Variants in RIMS2 observed in about 807,000 individuals in gnomAD.
The protein encoded by RIMS2 is regulating synaptic membrane exocytosis protein 2.
RIMS2 carries 59 observed loss-of-function variants against 174.4 expected under a neutral mutation model. That is an observed-to-expected ratio of 0.34 (90% CI 0.27 to 0.42). RIMS2 has a LOEUF of 0.42. RIMS2 is among the 10% of genes least tolerant of loss of function. The probability of loss-of-function intolerance (pLI) is 1.00; values close to 1 mark genes in which losing one functional copy is unlikely to be tolerated. For synonymous variants in RIMS2, 606 were observed against 572.5 expected (o/e 1.06, Z -0.84); for missense variants, 1,620 against 1,666.3 (o/e 0.97, Z 0.48).
At chr8:103,826,286 A>G (rs1396255583) in intron 3 of RIMS2, among the ~76,000 whole-genome samples, 1 of 151,860 alleles carries the variant, frequency 6.6e-6, no homozygotes, top group South Asian at 2.1e-4. Flanking sequence ...TTTGCACTCT[A>G]AAAATCCTTG....
chr8:103,780,643 T>C (rs2098378324), intron 3 of RIMS2, among the ~76,000 whole-genome samples: 2 of 152,114 alleles, frequency 1.3e-5, no homozygotes, highest in South Asian at 2.1e-4. Context: ...CTGAATTGCT[T>C]TCTGTGTTAA....
At chr8:104,156,148 G>T (rs79463812) in intron 19 of RIMS2, among the ~76,000 whole-genome samples, 15 of 152,104 alleles carry the variant, frequency 9.9e-5, no homozygotes, top group African/African-American at 2.9e-4. Context: ...TAATACAAAA[G>T]TTCATTTATT....
At chr8:104,218,606 C>T (rs1039058989) in intron 19 of RIMS2, among the ~76,000 whole-genome samples, 1 of 151,952 alleles carries the variant, frequency 6.6e-6, no homozygotes, top group Non-Finnish European at 1.5e-5. Context: ...GCTTGTTTTC[C>T]TGTAACTAGA....
chr8:103,952,266 A>T (rs984635579), intron 14 of RIMS2, among the ~76,000 whole-genome samples: 1 of 152,154 alleles, frequency 6.6e-6, no homozygotes, highest in Non-Finnish European at 1.5e-5. Context: ...CCGATAAGGG[A>T]CAGACTGCCT....
chr8:104,251,859 CAAAA>C (rs34085789), downstream of RIMS2: 52 of 709,592 alleles, frequency 7.3e-5, no homozygotes, highest in South Asian at 1.2e-4. Flanking sequence ...ACCAGCGTTA[CAAAA>C]AAAAAAAAAA....
intron 1 of RIMS2, among the ~76,000 whole-genome samples, chr8:103,529,752 T>C (rs1193736472): frequency 6.6e-6 from 1 of 152,260 alleles, no homozygotes; most frequent in Non-Finnish European, 1.5e-5. Flanking sequence ...GCTGTTCCTA[T>C]TCGGCCATCT....
intron 1 of RIMS2, among the ~76,000 whole-genome samples, chr8:103,580,666 A>G (rs2093556824): frequency 1.3e-5 from 2 of 152,158 alleles, no homozygotes; most frequent in South Asian, 4.1e-4. Context: ...ACCTCAAACC[A>G]GTAATGAGTA....
intron 1 of RIMS2, among the ~76,000 whole-genome samples, chr8:103,623,558 C>T (rs1297609260): frequency 7.1e-6 from 1 of 140,890 alleles, no homozygotes; most frequent in Admixed American, 7.6e-5. Flanking sequence ...GATCTCGGCT[C>T]ACTGCAAGCT....
intron 19 of RIMS2, among the ~76,000 whole-genome samples, chr8:104,177,635 T>A (rs1361335257): frequency 6.6e-6 from 1 of 152,144 alleles, no homozygotes; most frequent in Non-Finnish European, 1.5e-5. Context: ...TTCCTAGATA[T>A]AAGATAATCT....
chr8:104,159,034 A>G (rs1416220904), intron 19 of RIMS2, among the ~76,000 whole-genome samples: 2 of 152,144 alleles, frequency 1.3e-5, no homozygotes. Context: ...TTTAGGTCTT[A>G]CATTTAAGTC....
At chr8:104,076,218 G>A (rs574498410) in intron 19 of RIMS2, among the ~76,000 whole-genome samples, 1 of 152,102 alleles carries the variant, frequency 6.6e-6, no homozygotes, top group East Asian at 1.9e-4. Flanking sequence ...ATTGCCAAAT[G>A]GTTATATAGC....
intron 19 of RIMS2, among the ~76,000 whole-genome samples, chr8:104,100,676 C>T (rs1050967722): frequency 1.1e-4 from 16 of 150,954 alleles, no homozygotes; most frequent in Admixed American, 2.0e-4. Flanking sequence ...TCTTAAAGAA[C>T]GGATATAGCT....
intron 19 of RIMS2, among the ~76,000 whole-genome samples, chr8:104,024,906 C>T (rs891590829): frequency 6.6e-6 from 1 of 152,078 alleles, no homozygotes; most frequent in Non-Finnish European, 1.5e-5. Flanking sequence ...TACCTAATGG[C>T]TTATTTTCAT....
At chr8:103,819,535 T>A in intron 3 of RIMS2, 2 of 1,613,272 alleles carry the variant, frequency 1.2e-6, no homozygotes, top group Non-Finnish European at 1.7e-6. Context: ...GCGCCAGGTC[T>A]GCAATTCTGT....
intron 2 of RIMS2, among the ~76,000 whole-genome samples, chr8:103,727,213 A>T (rs187904615): frequency 6.6e-6 from 1 of 152,240 alleles, no homozygotes; most frequent in Admixed American, 6.5e-5. Context: ...ATAATATGCA[A>T]CCATATGACC....
chr8:104,100,541 C>G (rs1169198549), intron 19 of RIMS2, among the ~76,000 whole-genome samples: 1 of 151,930 alleles, frequency 6.6e-6, no homozygotes, highest in Non-Finnish European at 1.5e-5. Flanking sequence ...CTTAAAGAAA[C>G]AGCAATAGCC....
chr8:104,247,379 G>C (rs1326863465), intron 20 of RIMS2, among the ~76,000 whole-genome samples: 1 of 152,100 alleles, frequency 6.6e-6, no homozygotes, highest in Non-Finnish European at 1.5e-5. Flanking sequence ...TCTTCTCACA[G>C]CATTTTCTCT....
intron 19 of RIMS2, among the ~76,000 whole-genome samples, chr8:104,106,345 T>C (rs941349080): frequency 6.6e-6 from 1 of 152,198 alleles, no homozygotes; most frequent in African/African-American, 2.4e-5. Flanking sequence ...GGTTATTCTA[T>C]CCTTATTCAG....
chr8:103,579,675 TG>T (rs566789792), intron 1 of RIMS2, among the ~76,000 whole-genome samples: 19 of 152,296 alleles, frequency 1.2e-4, no homozygotes, highest in African/African-American at 4.6e-4. Flanking sequence ...ATAAGCTTCA[TG>T]GTAACCACAA....
Sources: gnomAD v4.1 joint callset for allele counts (sites outside exome capture counted in the v4.1 genomes callset) on GRCh38, gnomAD v4.1.1 for gene constraint, MANE v1.5 for transcripts, NCBI Gene and HGNC (gene_info 2026-07-23, HGNC 2026-07-21) for gene names.